Variants in NINL observed in about 807,000 individuals in gnomAD.
The protein encoded by NINL is ninein-like protein.
Under a neutral mutation model 160.3 loss-of-function variants are expected in NINL, and 153 were observed. The observed-to-expected ratio is 0.95, with a 90% CI of 0.84 to 1.09. NINL has a LOEUF of 1.09. Among genes scored for constraint, NINL ranks in the 50% least tolerant of loss-of-function variants. The probability of loss-of-function intolerance (pLI) is 0.00; values close to 1 mark genes in which losing one functional copy is unlikely to be tolerated. For synonymous variants in NINL, 800 were observed against 734.8 expected (o/e 1.09, Z -1.43); for missense variants, 1,829 against 1,764.0 (o/e 1.04, Z -0.66).
chr20:25,457,639 C>T (rs150469085), intron 22 of NINL, among the ~76,000 whole-genome samples: 3 of 152,338 alleles, frequency 2.0e-5, no homozygotes, highest in East Asian at 1.9e-4. Context: ...TCAAGTCGTG[C>T]GCCAATTCCT....
At chr20:25,555,024 C>A (rs1271985909) in intron 1 of NINL, among the ~76,000 whole-genome samples, 1 of 152,056 alleles carries the variant, frequency 6.6e-6, no homozygotes, top group Non-Finnish European at 1.5e-5. Flanking sequence ...AAATAGCCAT[C>A]AGCACCCCGG....
chr20:25,481,739 CCCA>C (rs2063392340), intron 14 of NINL: 1 of 607,666 alleles, frequency 1.6e-6, no homozygotes, highest in African/African-American at 1.9e-5. Context: ...CCTGGGGCTG[CCCA>C]CCTTCAGCGT....
At chr20:25,465,636 C>A (rs924820756) in intron 19 of NINL, among the ~76,000 whole-genome samples, 3 of 152,084 alleles carry the variant, frequency 2.0e-5, no homozygotes, top group Admixed American at 6.5e-5. Context: ...CCTTCCCAGC[C>A]GAGACCCCAC....
chr20:25,467,537 G>A (rs2062945867), intron 18 of NINL, 79 bp from the exon 19 acceptor site: 2 of 1,083,344 alleles, frequency 1.8e-6, no homozygotes, highest in Admixed American at 1.7e-5. Flanking sequence ...CCCAGGGTAA[G>A]AGCAGCATGG....
chr20:25,484,560 A>C (rs544121906), intron 13 of NINL, among the ~76,000 whole-genome samples: 1 of 151,926 alleles, frequency 6.6e-6, no homozygotes, highest in African/African-American at 2.4e-5. Flanking sequence ...TCACTTGCCA[A>C]ATCTTGCACA....
chr20:25,536,945 A>C lies in NINL; in HGVS notation c.-11-10347T>G, dbSNP rs77468138. On this transcript the variant is annotated intron_variant, in intron 1 of 23. Transcript: ENST00000278886. ...ACCTTGCTCATACTCTGTAGGCTAT[A>C]AAACAGTACAATTAGGATATGGACA... 2.3e-3 allele frequency among the ~76,000 whole-genome samples: 344 copies of C among 152,358 alleles called. 2 individuals are homozygous for C. The highest frequency in any genetic ancestry group is 8.1e-3 in the African/African-American group (338 of 41,580).
chr20:25,501,075 G>A (rs2146789403), intron 7 of NINL, 65 bp from the exon 8 acceptor site: 1 of 1,544,582 alleles, frequency 6.5e-7, no homozygotes, highest in Non-Finnish European at 8.7e-7. Context: ...TGCTGCTGAT[G>A]TGCTCTCCAC....
intron 7 of NINL, among the ~76,000 whole-genome samples, chr20:25,502,399 G>C (rs575289535): frequency 4.1e-4 from 63 of 152,286 alleles, no homozygotes; most frequent in African/African-American, 1.4e-3. Context: ...CAGCAGCAAG[G>C]AAGTATCCAG....
At position 25,479,029 on chromosome 20, in the gene NINL, C is replaced by T. The variant is rs2063328502; in HGVS notation, c.2095G>A (p.Asp699Asn). 2 of 1,610,510 alleles carry T rather than the reference C, an allele frequency of 1.2e-6. No individual in the cohort carries two copies. Among genetic ancestry groups the T allele is most frequent in the East Asian group, 2.2e-5 (1 of 44,872 alleles). The change falls in exon 16 of 24, where the codon GAC becomes AAC. Residue 699 changes from aspartate to asparagine, a missense_variant. Transcript: ENST00000278886. ...TCAGGCTCGGGGCCGCGGGCTGTGT[C>T]CTGCAGCTGCTCCTGCAGGCCCCAG... ...VIWGLQEQLQ[D>N]TARGPEPEQM...
Position 25,461,698 on chromosome 20 carries a change from T to G in NINL, c.3583-63A>C. 3 of 1,119,156 alleles carry G rather than the reference T, an allele frequency of 2.7e-6. No homozygotes were observed. The South Asian group carries it at 4.0e-5, about 15-fold the overall frequency. 69.3% of individuals were successfully genotyped at this position (1,119,156 alleles called of 1,614,324 possible). ...TCTGAAGAGTCTGGTATGTAATTCG[T>G]GCAAAAACCTCAGAAAATTACAGAA... On this transcript the variant is annotated intron_variant, in intron 20 of 23. Transcript: ENST00000278886.
rs971788337 is a variant in NINL, at chr20:25,480,045, A to G, written c.1917+116T>C. The G allele has an allele frequency of 6.5e-5, 49 of 754,562 alleles. No individual in the cohort carries two copies. The African/African-American group carries it at 8.2e-4, about 13-fold the overall frequency. The allele number at this position is 754,562 out of a possible 1,614,324, so 46.7% of individuals were successfully genotyped here. ...AACTTTCCTCCCCAAAGGGGCTCAC[A>G]ATGAGACAAAGGATTCCAGGGCAGA... On this transcript the variant is annotated intron_variant, in intron 15 of 23. Coordinates refer to ENST00000278886, the MANE Select transcript of NINL (RefSeq NM_025176.6).
Position 25,498,297 on chromosome 20 carries a change from C to A in NINL, c.1082G>T (p.Trp361Leu), listed in dbSNP as rs774915488. 2.5e-6 allele frequency: 4 copies of A among 1,613,242 alleles called. No individual in the cohort carries two copies. In the Admixed American group the frequency reaches 5.0e-5, roughly 20 times the overall value. Reference sequence around the variant, plus strand: ...TGTCATGAGCTCGTTGTCAAGGGCCCAGGTCAGCTCCAGAAGGTTCACCTT... The same window carrying A: ...TGTCATGAGCTCGTTGTCAAGGGCCAAGGTCAGCTCCAGAAGGTTCACCTT... ...DEKVNLLELT[W>L]ALDNELMTVD... is the part of the protein sequence containing the mutation. Residue 361 changes from tryptophan (W) to leucine (L), a missense_variant, in exon 9 of 24, where the codon TGG becomes TTG. Transcript: ENST00000278886.
intron 8 of NINL, chr20:25,499,313 A>C (rs2063821827): frequency 1.2e-6 from 1 of 849,928 alleles, no homozygotes. Flanking sequence ...AGAAATGCTG[A>C]CTGAGTTGCA....
At chr20:25,497,740 C>G (rs2063786267) in intron 9 of NINL, among the ~76,000 whole-genome samples, 1 of 152,182 alleles carries the variant, frequency 6.6e-6, no homozygotes, top group South Asian at 2.1e-4. Context: ...CCTGGGAGCC[C>G]CCTGGCGCGA....
chr20:25,506,118 C>T (rs948977005), intron 5 of NINL, among the ~76,000 whole-genome samples: 6 of 152,124 alleles, frequency 3.9e-5, no homozygotes, highest in Middle Eastern at 3.4e-3. Flanking sequence ...AAAAATTAGC[C>T]GGGTGTGATG....
chr20:25,581,148 A>G (rs7266592), intron 1 of NINL, among the ~76,000 whole-genome samples: 13,462 of 152,246 alleles, frequency 0.088, 977 homozygotes, highest in African/African-American at 0.2. Flanking sequence ...TCATGGCAAG[A>G]TCCAAAAGTA....
chr20:25,491,487 A>G lies in NINL; in HGVS notation c.1349T>C (p.Leu450Pro), dbSNP rs2063635867. Residue 450 changes from leucine to proline, a missense_variant, in exon 11 of 24, where the codon CTG becomes CCG. Coordinates refer to ENST00000278886, the MANE Select transcript of NINL (RefSeq NM_025176.6). ...TCGCTCCGCCTCCACCTCAGACCGC[A>G]GGAGGCTCAGCCTTTCCCGGTACCC... is the stretch of plus-strand genomic sequence containing the variant. ...EQGYRERLSLLRSEVEAEREL... is the reference protein window; with the variant it reads ...EQGYRERLSLPRSEVEAEREL... 2 of 1,613,960 alleles carry G rather than the reference A, an allele frequency of 1.2e-6. No individual in the cohort carries two copies. The highest frequency in any genetic ancestry group is 1.7e-5 in the Admixed American group (1 of 60,002).
chr20:25,498,402 A>G (rs2063802173), intron 8 of NINL, 56 bp from the exon 9 acceptor site: 1 of 1,596,534 alleles, frequency 6.3e-7, no homozygotes, highest in Non-Finnish European at 8.5e-7. Context: ...CCAAGCAGAC[A>G]CCTCTTTGCT....
At chr20:25,538,396 AT>A (rs1157361755) in intron 1 of NINL, among the ~76,000 whole-genome samples, 1 of 152,038 alleles carries the variant, frequency 6.6e-6, no homozygotes, top group African/African-American at 2.4e-5. Context: ...TACATGGTAT[AT>A]TTTTTTTCTT....
Sources: allele counts gnomAD v4.1 joint callset (sites outside exome capture counted in the v4.1 genomes callset), GRCh38; gene constraint gnomAD v4.1.1; transcripts MANE v1.5; gene names NCBI Gene and HGNC (gene_info 2026-07-23, HGNC 2026-07-21).